HDAC9: variants seen among roughly 807,000 people sequenced by gnomAD.
HDAC9 encodes MEF-2 interacting transcription repressor (MITR) protein.
A neutral mutation model predicts 139.4 loss-of-function variants in HDAC9; 41 were observed. The observed-to-expected ratio is 0.29, with a 90% CI of 0.23 to 0.38. The LOEUF is 0.38. Ranked by LOEUF, HDAC9 falls within the 10% of genes least tolerant of loss-of-function variation. HDAC9 has a pLI of 1.00. For missense variants in HDAC9, 1,147 were observed against 1,297.0 expected, an observed-to-expected ratio of 0.88 and a Z score of 1.78; for synonymous variants, 517 against 476.2, an observed-to-expected ratio of 1.09 and a Z score of -1.12.
At chr7:18,206,158 C>A (rs1171727372) in intron 2 of HDAC9, among the ~76,000 whole-genome samples, 25 of 152,038 alleles carry the variant, frequency 1.6e-4, no homozygotes. Flanking sequence ...GTTTTATAGT[C>A]ATGGAAACCT....
intron 1 of HDAC9, among the ~76,000 whole-genome samples, chr7:18,090,769 A>G (rs1782092383): frequency 6.6e-6 from 1 of 152,216 alleles, no homozygotes; most frequent in African/African-American, 2.4e-5. Context: ...CCGAACTTAC[A>G]GGTATCAAAG....
At chr7:18,482,008 T>C (rs111739507) in intron 1 of HDAC9, among the ~76,000 whole-genome samples, 2,070 of 152,298 alleles carry the variant, frequency 0.014, 47 homozygotes, top group African/African-American at 0.046. Flanking sequence ...ACCAGCATTT[T>C]CAAAGGGCTT....
Position 18,996,259 on chromosome 7 carries a change from C to G in HDAC9, c.*197C>G. 1 of 506,044 alleles carries G rather than the reference C, an allele frequency of 2.0e-6. No individual in the cohort carries two copies. The highest frequency in any genetic ancestry group is 3.6e-6 in the Non-Finnish European group (1 of 278,408). 31.3% of individuals were successfully genotyped at this position (506,044 alleles called of 1,614,324 possible). ...GAAAGGGCATTAAAGATTCCTTAAA[C>G]GTAACCGCTGTGATTCTAGAGTTAC... On this transcript the variant is annotated 3_prime_UTR_variant, in exon 26 of 26. Transcript: ENST00000686413.
rs541258441 is a variant in HDAC9, at chr7:18,167,732, G to A, written c.25+5383G>A. Among the ~76,000 whole-genome samples the A allele has an allele frequency of 1.5e-4, 23 of 152,200 alleles. No individual in the cohort carries two copies. The South Asian group carries it at 3.7e-3, about 25-fold the overall frequency. On this transcript the variant is annotated intron_variant, in intron 2 of 12. Coordinates refer to the HDAC9 transcript ENST00000417496. The stretch of plus-strand genomic sequence containing the variant: ...GGTACATCACTTTTGTTCACATTTC[G>A]TTGAGTGGAATTTAGCCACGTGGCC...
chr7:18,400,591 G>A (rs1038830062), intron 1 of HDAC9, among the ~76,000 whole-genome samples: 1 of 152,268 alleles, frequency 6.6e-6, no homozygotes, highest in South Asian at 2.1e-4. Context: ...GGATGAGGAA[G>A]GTGGACAGTT....
intron 12 of HDAC9, among the ~76,000 whole-genome samples, chr7:18,678,009 A>G (rs1781632412): frequency 6.6e-6 from 1 of 151,884 alleles, no homozygotes; most frequent in Non-Finnish European, 1.5e-5. Context: ...GTTGAGTTTC[A>G]TTATCTTACA....
At chr7:18,346,562 AGT>A (rs1196905328) in intron 1 of HDAC9, among the ~76,000 whole-genome samples, 2 of 152,164 alleles carry the variant, frequency 1.3e-5, no homozygotes, top group African/African-American at 2.4e-5. Flanking sequence ...GGAGAGTTGC[AGT>A]TTTTACATTG....
intron 2 of HDAC9, among the ~76,000 whole-genome samples, chr7:18,183,425 G>C (rs1789662573): frequency 6.6e-6 from 1 of 152,114 alleles, no homozygotes; most frequent in Non-Finnish European, 1.5e-5. Context: ...AATTACGATG[G>C]CTAGAAGGAG....
chr7:18,717,363 C>T (rs1784779970), intron 12 of HDAC9, among the ~76,000 whole-genome samples: 1 of 151,954 alleles, frequency 6.6e-6, no homozygotes, highest in Admixed American at 6.6e-5. Flanking sequence ...TTAAAGATAC[C>T]CTCTACCTTA....
intron 6 of HDAC9, among the ~76,000 whole-genome samples, chr7:18,599,472 C>T (rs1403381367): frequency 6.6e-6 from 1 of 152,168 alleles, no homozygotes; most frequent in Non-Finnish European, 1.5e-5. Flanking sequence ...CATCCTCCCC[C>T]CACCCAACTT....
At chr7:18,186,825 A>G (rs902700845) in intron 2 of HDAC9, among the ~76,000 whole-genome samples, 8 of 152,184 alleles carry the variant, frequency 5.3e-5, no homozygotes, top group African/African-American at 1.9e-4. Context: ...GGTTTTGAAA[A>G]CTGTTAATGT....
chr7:18,491,823 G>T (rs1331204216), upstream of HDAC9, among the ~76,000 whole-genome samples: 1 of 151,854 alleles, frequency 6.6e-6, no homozygotes, highest in African/African-American at 2.4e-5. Flanking sequence ...AGATCGGATG[G>T]TGCCTGCTAA....
intron 2 of HDAC9, among the ~76,000 whole-genome samples, chr7:18,255,787 C>G (rs1338900670): frequency 1.3e-5 from 2 of 151,906 alleles, no homozygotes; most frequent in Admixed American, 6.6e-5. Context: ...CACCATCACG[C>G]CCAGCTAATT....
chr7:18,366,718 T>C (rs968319910), intron 1 of HDAC9, among the ~76,000 whole-genome samples: 1 of 152,112 alleles, frequency 6.6e-6, no homozygotes, highest in Non-Finnish European at 1.5e-5. Context: ...TCTCCATCTT[T>C]GTAGTTGCAG....
rs1782709710 is a variant in HDAC9, at chr7:18,099,442, TG to T, written c.-97+12232del. On this transcript the variant is annotated intron_variant, in intron 1 of 12. Coordinates refer to the HDAC9 transcript ENST00000417496. The stretch of plus-strand genomic sequence containing the variant: ...GAGATTGCATCACTGCACTCCAGCC[TG>T]GGCGACAGAGTGAGACTCTGTCTCA... 2.0e-5 allele frequency among the ~76,000 whole-genome samples: 3 copies of T among 151,834 alleles called. No individual in the cohort carries two copies. In the South Asian group the frequency reaches 6.2e-4, roughly 32 times the overall value.
Position 18,666,818 on chromosome 7 carries a change from A to G in HDAC9, c.1731+342A>G, listed in dbSNP as rs534653409. The stretch of plus-strand genomic sequence containing the variant: ...CACCAATTACTTCTAAAGAAAACAA[A>G]TTCACTGTTATTTTGAGTTTATGTG... On this transcript the variant is annotated intron_variant, in intron 12 of 25. Coordinates refer to ENST00000686413, the MANE Select transcript of HDAC9 (RefSeq NM_178425.4). The G allele has an allele frequency of 4.0e-5, 43 of 1,078,180 alleles. No individual in the cohort carries two copies. The South Asian group carries it at 1.4e-3, about 34-fold the overall frequency. The allele number at this position is 1,078,180 out of a possible 1,614,324, so 66.8% of individuals were successfully genotyped here.
At chr7:18,715,872 C>T (rs1385947222) in intron 12 of HDAC9, among the ~76,000 whole-genome samples, 2 of 152,090 alleles carry the variant, frequency 1.3e-5, no homozygotes, top group Admixed American at 6.5e-5. Flanking sequence ...TTCAGAGATG[C>T]ACACTCTCAT....
chr7:18,212,214 C>G (rs938142729), intron 2 of HDAC9, among the ~76,000 whole-genome samples: 1 of 152,048 alleles, frequency 6.6e-6, no homozygotes, highest in African/African-American at 2.4e-5. Flanking sequence ...AAGAAAAAAT[C>G]TTCTTTATCT....
intron 25 of HDAC9, among the ~76,000 whole-genome samples, chr7:18,993,913 G>T (rs930347335): frequency 6.6e-6 from 1 of 152,184 alleles, no homozygotes; most frequent in African/African-American, 2.4e-5. Flanking sequence ...CCAAAAAAAA[G>T]AGGTCAATAT....
Sources: gnomAD v4.1 joint callset for allele counts (sites outside exome capture counted in the v4.1 genomes callset) on GRCh38, gnomAD v4.1.1 for gene constraint, MANE v1.5 for transcripts, NCBI Gene and HGNC (gene_info 2026-07-23, HGNC 2026-07-21) for gene names.